Variants in GLG1 observed in about 807,000 individuals in gnomAD.
GLG1 encodes golgi glycoprotein 1.
A neutral mutation model predicts 160.5 loss-of-function variants in GLG1; 38 were observed. The observed-to-expected ratio is 0.24, with a 90% confidence interval of 0.18 to 0.31. GLG1 has a LOEUF of 0.31. Among genes scored for constraint, GLG1 ranks in the 10% least tolerant of loss-of-function variants. The pLI, the probability that GLG1 is intolerant of heterozygous loss-of-function variation, is 1.00. For synonymous variants in GLG1, 644 were observed against 543.4 expected (o/e 1.19, Z -2.57); for missense variants, 1,373 against 1,505.2 (o/e 0.91, Z 1.45).
intron 1 of GLG1, among the ~76,000 whole-genome samples, chr16:74,548,780 A>G (rs575877805): frequency 5.3e-5 from 8 of 152,236 alleles, no homozygotes; most frequent in African/African-American, 1.9e-4. Context: ...CGGATCACAT[A>G]AGGTCAGGAG....
At chr16:74,470,941 G>C (rs1394176011) in intron 15 of GLG1, among the ~76,000 whole-genome samples, 1 of 151,670 alleles carries the variant, frequency 6.6e-6, no homozygotes, top group Non-Finnish European at 1.5e-5. Flanking sequence ...ATTTTCAGTA[G>C]AGACGGAGTT....
At chr16:74,573,318 T>C (rs115476526) in intron 1 of GLG1, among the ~76,000 whole-genome samples, 2,284 of 152,224 alleles carry the variant, frequency 0.015, 59 homozygotes, top group African/African-American at 0.052. Context: ...AAGTGCTAAA[T>C]ATCTGGGTAA....
intron 1 of GLG1, among the ~76,000 whole-genome samples, chr16:74,596,570 T>A (rs1958308337): frequency 6.6e-6 from 1 of 152,174 alleles, no homozygotes. Context: ...TGGTACTAAA[T>A]CTTCAAAATC....
At position 74,471,252 on chromosome 16, in the gene GLG1, A is replaced by G; in HGVS notation, c.2150T>C (p.Leu717Pro). The G allele has an allele frequency of 6.2e-7, 1 of 1,609,004 alleles. No homozygotes were observed. Among genetic ancestry groups the G allele is most frequent in the Non-Finnish European group, 8.5e-7 (1 of 1,175,346 alleles). The change falls in exon 15 of 26, where the codon CTG becomes CCG. Residue 717 changes from leucine to proline, a missense_variant. Leu to Pro is a moderately conservative substitution (Grantham distance 98). This residue lies in a region of GLG1 where 491 missense variants were observed against 632.1 expected (regional missense o/e 0.78). Coordinates refer to ENST00000422840, the MANE Select transcript of GLG1 (RefSeq NM_001145667.2). ...VADNQIDSGD[L>P]MECLIQNKHQ... ...TTTGTTCTGTATCAGACACTCCATCAGGTCCCCAGAGTCTATCTGGTTATC... is the reference window on the plus strand; with the variant it reads ...TTTGTTCTGTATCAGACACTCCATCGGGTCCCCAGAGTCTATCTGGTTATC...
chr16:74,498,447 A>AAATATATATATATATATATATATATAT (rs1491293119), intron 4 of GLG1, among the ~76,000 whole-genome samples: 4 of 8,206 alleles, frequency 4.9e-4, no homozygotes, highest in Admixed American at 2.9e-3. Context: ...AAAAAAAAAA[A>AAATATATATATATATATATATATATAT]GTATATATAT....
At chr16:74,454,182 C>T (rs1484477624) in intron 25 of GLG1, among the ~76,000 whole-genome samples, 1 of 151,520 alleles carries the variant, frequency 6.6e-6, no homozygotes, top group Non-Finnish European at 1.5e-5. Context: ...CTTGTAAATT[C>T]TATATTATTT....
chr16:74,605,400 T>A (rs187836537), intron 1 of GLG1, among the ~76,000 whole-genome samples: 175 of 152,326 alleles, frequency 1.1e-3, no homozygotes, highest in Middle Eastern at 3.4e-3. Flanking sequence ...AGTATTAGGA[T>A]CCTAGTTTGA....
Position 74,606,841 on chromosome 16 carries a change from G to GGCTGCTGTTGCTGTT in GLG1, c.239_253dup (p.Gln80_Gln84dup). The GGCTGCTGTTGCTGTT allele has an allele frequency of 2.5e-6, 4 of 1,599,244 alleles. No individual in the cohort carries two copies. Among genetic ancestry groups the GGCTGCTGTTGCTGTT allele is most frequent in the South Asian group, 2.2e-5 (2 of 89,996 alleles). On this transcript the variant is annotated inframe_insertion, in exon 1 of 26. Transcript: ENST00000422840. ...CGGGAAAGGCGGCTGCGGCGGCTGA[G>GGCTGCTGTTGCTGTT]GCTGCTGTTGCTGTTGCTGCTGCTG...
At chr16:74,504,354 C>G (rs2016521662) in intron 3 of GLG1, among the ~76,000 whole-genome samples, 1 of 152,160 alleles carries the variant, frequency 6.6e-6, no homozygotes, top group Admixed American at 6.5e-5. Context: ...ATGACATGAT[C>G]TCGGCTCACT....
chr16:74,488,958 C>T (rs1246576923), intron 8 of GLG1, among the ~76,000 whole-genome samples: 1 of 152,102 alleles, frequency 6.6e-6, no homozygotes, highest in Non-Finnish European at 1.5e-5. Flanking sequence ...CCATATGTTT[C>T]ACTACTTGAA....
At position 74,474,621 on chromosome 16, in the gene GLG1, G is replaced by T; in HGVS notation, c.1977C>A (p.Cys659Ter). 1 of 1,539,610 alleles carries T rather than the reference G, an allele frequency of 6.5e-7. No homozygotes were observed. Among genetic ancestry groups the T allele is most frequent in the Non-Finnish European group, 9.0e-7 (1 of 1,111,960 alleles). ...CCAAGTCATCCAGATGGTCCTGAAG[G>T]CACTCCAGCTCCTGCAAATATAAAG... is the stretch of plus-strand genomic sequence containing the variant. ...EKTETGQELE[C>*]LQDHLDDLVV... Residue 659 changes from cysteine to a stop codon, truncating the protein, a stop_gained, in exon 13 of 26, where the codon TGC (cysteine) becomes TGA (stop). Coordinates refer to ENST00000422840, the MANE Select transcript of GLG1 (RefSeq NM_001145667.2). LOFTEE classifies it high-confidence loss of function.
chr16:74,533,640 G>A (rs1303239700), intron 1 of GLG1, among the ~76,000 whole-genome samples: 1 of 152,080 alleles, frequency 6.6e-6, no homozygotes, highest in East Asian at 1.9e-4. Flanking sequence ...AATTAGCCAG[G>A]CGTGGTGGCA....
At chr16:74,481,153 G>A (rs2015584967) in intron 10 of GLG1, among the ~76,000 whole-genome samples, 1 of 152,204 alleles carries the variant, frequency 6.6e-6, no homozygotes, top group African/African-American at 2.4e-5. Context: ...ATTAGATTCA[G>A]TAAGATCAGG....
Position 74,587,750 on chromosome 16 carries a change from G to A in GLG1, c.438+18907C>T, listed in dbSNP as rs180706080. Among the ~76,000 whole-genome samples, 316 of 152,176 alleles carry A rather than the reference G, an allele frequency of 2.1e-3. 2 individuals are homozygous for A. Among genetic ancestry groups the A allele is most frequent in the Non-Finnish European group, 4.0e-4 (27 of 67,990 alleles). ...GCATTGTGGCACGTGCCTGTAGTCC[G>A]GAGGCTGAGGCAGGAGAATCACTTG... On this transcript the variant is annotated intron_variant, in intron 1 of 25. Coordinates refer to ENST00000422840, the MANE Select transcript of GLG1 (RefSeq NM_001145667.2).
At chr16:74,508,371 A>T (rs780196419) in intron 3 of GLG1, among the ~76,000 whole-genome samples, 2 of 152,068 alleles carry the variant, frequency 1.3e-5, no homozygotes, top group Non-Finnish European at 2.9e-5. Context: ...ATTTTCACTA[A>T]TATTATTTGT....
chr16:74,575,463 A>G (rs2018976003), intron 1 of GLG1, among the ~76,000 whole-genome samples: 1 of 152,244 alleles, frequency 6.6e-6, no homozygotes, highest in Non-Finnish European at 1.5e-5. Flanking sequence ...AAGACATCAC[A>G]AATAACAAAA....
intron 1 of GLG1, among the ~76,000 whole-genome samples, chr16:74,574,276 T>C (rs1160150702): frequency 1.3e-5 from 2 of 152,168 alleles, no homozygotes; most frequent in East Asian, 3.9e-4. Flanking sequence ...TCCAAGAAAA[T>C]CTCAGCTAAA....
intron 2 of GLG1, among the ~76,000 whole-genome samples, chr16:74,531,352 T>C (rs752379316): frequency 6.6e-4 from 100 of 152,218 alleles, no homozygotes; most frequent in Non-Finnish European, 1.3e-3. Context: ...AAAGTCTTGC[T>C]CTGTTGCCCA....
intron 2 of GLG1, among the ~76,000 whole-genome samples, chr16:74,529,809 GTTC>G (rs1472449690): frequency 2.9e-5 from 3 of 104,102 alleles, no homozygotes; most frequent in South Asian, 3.6e-4. Context: ...CTCTTTGAGA[GTTC>G]TTTTTTTTTT....
Sources: allele counts gnomAD v4.1 joint callset (sites outside exome capture counted in the v4.1 genomes callset), GRCh38; gene constraint gnomAD v4.1.1; regional missense constraint gnomAD v4.1.1; transcripts MANE v1.5; gene names NCBI Gene and HGNC (gene_info 2026-07-23, HGNC 2026-07-21).